The following PBX2 variants were observed in gnomAD, a reference collection of about 807,000 sequenced individuals.
PBX2 encodes the protein PBX homeobox 2, also known as pre-B-cell leukemia transcription factor 2.
Under a neutral mutation model 46.5 loss-of-function variants are expected in PBX2, and 10 were observed. The ratio of observed to expected loss-of-function variants is 0.21; its 90% CI spans 0.13 to 0.36. PBX2 has a LOEUF of 0.36. Among genes scored for constraint, PBX2 ranks in the 10% least tolerant of loss-of-function variants. The probability of loss-of-function intolerance (pLI) is 1.00; values close to 1 mark genes in which losing one functional copy is unlikely to be tolerated. For missense variants in PBX2, 392 were observed against 580.5 expected (o/e 0.68, Z 3.34); for synonymous variants, 160 against 222.5 (o/e 0.72, Z 2.50).
chr6:32,189,621 G>GT lies in PBX2; in HGVS notation c.221+73_221+74insA. On this transcript the variant is annotated intron_variant, in intron 1 of 8. Transcript: ENST00000375050. The surrounding 1 kb of genome is among the most constrained non-coding windows in gnomAD (Gnocchi z 4.7). ...TGGAGAGGGCCCTGGAGTTGGGGGG[G>GT]GCTCCCAGAAGATTCAGAACATGTG... is the stretch of plus-strand genomic sequence containing the variant. 8.8e-7 allele frequency: 1 copy of GT among 1,133,816 alleles called. No homozygotes were observed. Among genetic ancestry groups the GT allele is most frequent in the Admixed American group, 1.9e-5 (1 of 52,550 alleles). 70.2% of individuals were successfully genotyped at this position (1,133,816 alleles called of 1,614,324 possible).
Position 32,187,640 on chromosome 6 carries a change from A to G in PBX2, c.870+7T>C, listed in dbSNP as rs1398064699. On this transcript the variant is annotated splice_region_variant and intron_variant, in intron 5 of 8. Coordinates refer to ENST00000375050, the MANE Select transcript of PBX2 (RefSeq NM_002586.5). The surrounding 1 kb of genome is among the most constrained non-coding windows in gnomAD (Gnocchi z 7.7). ...CCTGACAACTCCTCCCGCAACCTCC[A>G]TAATACCTGAGACACGGTGATGCCA... 1.9e-6 allele frequency: 3 copies of G among 1,587,984 alleles called. No homozygotes were observed. Among genetic ancestry groups the G allele is most frequent in the Non-Finnish European group, 2.6e-6 (3 of 1,167,060 alleles).
In PBX2 at chr6:32,187,421, T is replaced by C; in HGVS notation, c.871-26A>G. Reference sequence around the variant, plus strand: ...CTGTGGGGCAGAAAGGAGGGTCAGGTAGAAACATTTGCCTCTGAAGTCCTT... The same window carrying C: ...CTGTGGGGCAGAAAGGAGGGTCAGGCAGAAACATTTGCCTCTGAAGTCCTT... On this transcript the variant is annotated intron_variant, in intron 5 of 8. Coordinates refer to ENST00000375050, the MANE Select transcript of PBX2 (RefSeq NM_002586.5). The surrounding 1 kb of genome is among the most constrained non-coding windows in gnomAD (Gnocchi z 7.7). 6.2e-7 allele frequency: 1 copy of C among 1,610,202 alleles called. No individual in the cohort carries two copies. The highest frequency in any genetic ancestry group is 8.5e-7 in the Non-Finnish European group (1 of 1,177,810).
Position 32,186,087 on chromosome 6 carries a change from G to C in PBX2, c.*295C>G. 2.3e-6 allele frequency: 1 copy of C among 439,362 alleles called. No homozygotes were observed. The highest frequency in any genetic ancestry group is 3.7e-5 in the South Asian group (1 of 26,846). 27.2% of individuals were successfully genotyped at this position (439,362 alleles called of 1,614,324 possible). A position where few individuals can be genotyped will look rare whatever the true frequency, so the allele number is the denominator to read the frequency against. ...GAGAGAGAAAGACAGAGGAGAAAAA[G>C]GGGTCTGAGAAATAGGTTTCTCGGT... On this transcript the variant is annotated 3_prime_UTR_variant, in exon 9 of 9. Transcript: ENST00000375050. This position sits in a 1 kb window ranked among gnomAD's most constrained non-coding sequence, Gnocchi z 4.2.
Position 32,188,182 on chromosome 6 carries a change from G to A in PBX2, c.544-26C>T. 1 of 1,598,670 alleles carries A rather than the reference G, an allele frequency of 6.3e-7. No individual in the cohort carries two copies. Among genetic ancestry groups the A allele is most frequent in the Non-Finnish European group, 8.5e-7 (1 of 1,170,430 alleles). ...CTGTAGTGGGGGCCAGTGGGCTGGT[G>A]AGGAGGAGCCCTTTGACCATGGGAT... On this transcript the variant is annotated intron_variant, in intron 3 of 8. Transcript: ENST00000375050. This position sits in a 1 kb window ranked among gnomAD's most constrained non-coding sequence, Gnocchi z 6.5.
chr6:32,187,225 G>A lies in PBX2; in HGVS notation c.1024+17C>T. On this transcript the variant is annotated intron_variant, in intron 6 of 8. Transcript: ENST00000375050. This position sits in a 1 kb window ranked among gnomAD's most constrained non-coding sequence, Gnocchi z 7.7. Reference sequence around the variant, plus strand: ...GAAGTGTGCAAAACAGTCAGCCGGGGTGACAGTGGGATCCACCTGCAGAGG... The same window carrying A: ...GAAGTGTGCAAAACAGTCAGCCGGGATGACAGTGGGATCCACCTGCAGAGG... The A allele has an allele frequency of 1.2e-6, 2 of 1,612,388 alleles. No homozygotes were observed. Among genetic ancestry groups the A allele is most frequent in the Non-Finnish European group, 8.5e-7 (1 of 1,179,940 alleles).
In PBX2 at chr6:32,189,869, C is replaced by T. The variant is rs1260302740; in HGVS notation, c.47G>A (p.Gly16Glu). The T allele has an allele frequency of 6.7e-7, 1 of 1,487,494 alleles. No individual in the cohort carries two copies. Among genetic ancestry groups the T allele is most frequent in the Non-Finnish European group, 9.0e-7 (1 of 1,116,910 alleles). 92.1% of individuals were successfully genotyped at this position (1,487,494 alleles called of 1,614,324 possible). The change falls in exon 1 of 9, where the codon GGG (glycine) becomes GAG (glutamate). Residue 16 changes from glycine (G) to glutamate (E), a missense_variant. Around this residue, in one of 3 missense-constraint regions of PBX2, gnomAD observed 196 missense variants for 246.9 expected, o/e 0.79. Coordinates refer to ENST00000375050, the MANE Select transcript of PBX2 (RefSeq NM_002586.5). This position sits in a 1 kb window ranked among gnomAD's most constrained non-coding sequence, Gnocchi z 4.7. Reference sequence around the variant, plus strand: ...CTCCCCACTCACCAATCCCAGGCCCCCCCGGCCCCCGCCTGGAGGGGGCGG... The same window carrying T: ...CTCCCCACTCACCAATCCCAGGCCCTCCCGGCCCCCGCCTGGAGGGGGCGG... ...LGPPPPGGGR[G>E]GLGLVSGEPG...
At position 32,187,989 on chromosome 6, in the gene PBX2, C is replaced by T; in HGVS notation, c.711G>A (p.Leu237=). 1 of 1,570,160 alleles carries T rather than the reference C, an allele frequency of 6.4e-7. No homozygotes were observed. The highest frequency in any genetic ancestry group is 8.7e-7 in the Non-Finnish European group (1 of 1,155,914). The change falls in exon 4 of 9, where the codon CTG becomes CTA. Residue 237 remains leucine (L), a synonymous_variant. Coordinates refer to ENST00000375050, the MANE Select transcript of PBX2 (RefSeq NM_002586.5). The surrounding 1 kb of genome is among the most constrained non-coding windows in gnomAD (Gnocchi z 7.7). ...ACCTGGCATCCAGGAAACGGGAGCG[C>T]AGGATCATCACAGCCTCGCAGGTGC... is the stretch of plus-strand genomic sequence containing the variant. ...KQSTCEAVMI[L]RSRFLDARRK... is the part of the protein sequence containing the mutation.
chr6:32,187,661 T>C lies in PBX2; in HGVS notation c.856A>G (p.Ile286Val), dbSNP rs1403407219. 1.9e-6 allele frequency: 3 copies of C among 1,597,146 alleles called. No individual in the cohort carries two copies. The highest frequency in any genetic ancestry group is 1.8e-5 in the Admixed American group (1 of 56,582). ...CTCCATAATACCTGAGACACGGTGA[T>C]GCCACACTTCTTGGCAAGCTCCTCC... The part of the protein sequence containing the change: ...AKEELAKKCG[I>V]TVSQVSNWFG... The change falls in exon 5 of 9, where the codon ATC becomes GTC. Residue 286 changes from isoleucine (I) to valine (V), a missense_variant. Ile to Val is a conservative substitution (Grantham distance 29). Coordinates refer to ENST00000375050, the MANE Select transcript of PBX2 (RefSeq NM_002586.5). The surrounding 1 kb of genome is among the most constrained non-coding windows in gnomAD (Gnocchi z 7.7).
chr6:32,187,076 T>A lies in PBX2; in HGVS notation c.1024+166A>T. Reference sequence around the variant, plus strand: ...CCACCCGTGGGAAGAAAGGCAGAACTAAGATCACTGGAATGGCCTCTGTCC... The same window carrying A: ...CCACCCGTGGGAAGAAAGGCAGAACAAAGATCACTGGAATGGCCTCTGTCC... On this transcript the variant is annotated intron_variant, in intron 6 of 8. Coordinates refer to ENST00000375050, the MANE Select transcript of PBX2 (RefSeq NM_002586.5). This position sits in a 1 kb window ranked among gnomAD's most constrained non-coding sequence, Gnocchi z 7.7. 9.6e-7 allele frequency: 1 copy of A among 1,046,750 alleles called. No homozygotes were observed. The highest frequency in any genetic ancestry group is 1.4e-6 in the Non-Finnish European group (1 of 714,414). 64.8% of individuals were successfully genotyped at this position (1,046,750 alleles called of 1,614,324 possible). A position where few individuals can be genotyped will look rare whatever the true frequency, so the allele number is the denominator to read the frequency against.
rs1277003944 is a variant in PBX2, at chr6:32,188,954, A to G, written c.222-158T>C. ...GGTGGAATGAGGAGTTCTTGGGAAA[A>G]GATCAGCTCCCAGAGCATGGGGAAG... On this transcript the variant is annotated intron_variant, in intron 1 of 8. Transcript: ENST00000375050. The surrounding 1 kb of genome is among the most constrained non-coding windows in gnomAD (Gnocchi z 6.5). 6.2e-6 allele frequency: 4 copies of G among 647,620 alleles called. No individual in the cohort carries two copies. Among genetic ancestry groups the G allele is most frequent in the African/African-American group, 1.8e-5 (1 of 55,548 alleles). The allele number at this position is 647,620 out of a possible 1,614,324, so 40.1% of individuals were successfully genotyped here. A position where few individuals can be genotyped will look rare whatever the true frequency, so the allele number is the denominator to read the frequency against.
chr6:32,188,612 C>T lies in PBX2; in HGVS notation c.296-108G>A, dbSNP rs1271229403. 3 of 1,574,938 alleles carry T rather than the reference C, an allele frequency of 1.9e-6. No individual in the cohort carries two copies. On this transcript the variant is annotated intron_variant, in intron 2 of 8. Coordinates refer to ENST00000375050, the MANE Select transcript of PBX2 (RefSeq NM_002586.5). The surrounding 1 kb of genome is among the most constrained non-coding windows in gnomAD (Gnocchi z 6.5). ...AGTTCCCAGGCTTTGGTTCCTTCCCCAGTCCCCCTGACTCCTTACTTTCCT... is the reference window on the plus strand; with the variant it reads ...AGTTCCCAGGCTTTGGTTCCTTCCCTAGTCCCCCTGACTCCTTACTTTCCT...
chr6:32,188,220 G>A lies in PBX2; in HGVS notation c.543+37C>T. ...TTGACCATGGGATTCCCCTGCAAGA[G>A]CCCTTCCCTCCACCCACCCAAGCCT... On this transcript the variant is annotated intron_variant, in intron 3 of 8. Coordinates refer to ENST00000375050, the MANE Select transcript of PBX2 (RefSeq NM_002586.5). The surrounding 1 kb of genome is among the most constrained non-coding windows in gnomAD (Gnocchi z 6.5). The A allele has an allele frequency of 6.2e-7, 1 of 1,607,602 alleles. No homozygotes were observed. The highest frequency in any genetic ancestry group is 8.5e-7 in the Non-Finnish European group (1 of 1,175,630).
chr6:32,188,802 GAGGAGT>G lies in PBX2; in HGVS notation c.222-12_222-7del. The stretch of plus-strand genomic sequence containing the variant: ...GGCAGTTTAGGGCGTGTTTCCTTGG[GAGGAGT>G]GGGAGTGGGGAAAGAGAAAAGTTGA... On this transcript the variant is annotated splice_region_variant and splice_polypyrimidine_tract_variant and intron_variant, in intron 1 of 8. Transcript: ENST00000375050. This position sits in a 1 kb window ranked among gnomAD's most constrained non-coding sequence, Gnocchi z 6.5. 6.2e-7 allele frequency: 1 copy of G among 1,612,710 alleles called. No homozygotes were observed. Among genetic ancestry groups the G allele is most frequent in the Non-Finnish European group, 8.5e-7 (1 of 1,179,762 alleles).
At position 32,188,174 on chromosome 6, in the gene PBX2, G is replaced by A; in HGVS notation, c.544-18C>T. On this transcript the variant is annotated intron_variant, in intron 3 of 8. Transcript: ENST00000375050. The surrounding 1 kb of genome is among the most constrained non-coding windows in gnomAD (Gnocchi z 6.5). Reference sequence around the variant, plus strand: ...TTACATGCCTGTAGTGGGGGCCAGTGGGCTGGTGAGGAGGAGCCCTTTGAC... The same window carrying A: ...TTACATGCCTGTAGTGGGGGCCAGTAGGCTGGTGAGGAGGAGCCCTTTGAC... 6.3e-7 allele frequency: 1 copy of A among 1,597,214 alleles called. No homozygotes were observed. Among genetic ancestry groups the A allele is most frequent in the Non-Finnish European group, 8.5e-7 (1 of 1,169,636 alleles).
chr6:32,189,084 T>G lies in PBX2; in HGVS notation c.222-288A>C. ...GTAGGAGGAGGAATCTGGGAGTGGA[T>G]GGAGAAAGGAAAGTGACTTGGTAGG... On this transcript the variant is annotated intron_variant, in intron 1 of 8. Coordinates refer to ENST00000375050, the MANE Select transcript of PBX2 (RefSeq NM_002586.5). The surrounding 1 kb of genome is among the most constrained non-coding windows in gnomAD (Gnocchi z 4.7). 2.0e-6 allele frequency: 1 copy of G among 512,702 alleles called. No homozygotes were observed. Among genetic ancestry groups the G allele is most frequent in the Non-Finnish European group, 3.5e-6 (1 of 284,354 alleles). 31.8% of individuals were successfully genotyped at this position (512,702 alleles called of 1,614,324 possible). A position where few individuals can be genotyped will look rare whatever the true frequency, so the allele number is the denominator to read the frequency against.
chr6:32,187,989 C>A lies in PBX2; in HGVS notation c.711G>T (p.Leu237=). 6.4e-7 allele frequency: 1 copy of A among 1,570,160 alleles called. No homozygotes were observed. Among genetic ancestry groups the A allele is most frequent in the Non-Finnish European group, 8.7e-7 (1 of 1,155,914 alleles). The part of the protein sequence containing the change: ...KQSTCEAVMI[L]RSRFLDARRK... ...ACCTGGCATCCAGGAAACGGGAGCG[C>A]AGGATCATCACAGCCTCGCAGGTGC... The change falls in exon 4 of 9, where the codon CTG becomes CTT. Residue 237 remains leucine (L), a synonymous_variant. Transcript: ENST00000375050. The surrounding 1 kb of genome is among the most constrained non-coding windows in gnomAD (Gnocchi z 7.7).
rs563859681 is a variant in PBX2, at chr6:32,186,492, G to C, written c.1201-18C>G. On this transcript the variant is annotated intron_variant, in intron 8 of 8. Coordinates refer to ENST00000375050, the MANE Select transcript of PBX2 (RefSeq NM_002586.5). This position sits in a 1 kb window ranked among gnomAD's most constrained non-coding sequence, Gnocchi z 4.2. Reference sequence around the variant, plus strand: ...CCATTTGCCTGAAAGGAGAGACAGAGTACAGAAAACAGAGAAAGCCCTGGG... The same window carrying C: ...CCATTTGCCTGAAAGGAGAGACAGACTACAGAAAACAGAGAAAGCCCTGGG... 1.6e-5 allele frequency: 25 copies of C among 1,610,742 alleles called. No homozygotes were observed. In the East Asian group the frequency reaches 5.1e-4, roughly 33 times the overall value.
In PBX2 at chr6:32,187,631, G is replaced by C; in HGVS notation, c.870+16C>G. 6.3e-7 allele frequency: 1 copy of C among 1,581,230 alleles called. No individual in the cohort carries two copies. Among genetic ancestry groups the C allele is most frequent in the Non-Finnish European group, 8.6e-7 (1 of 1,163,272 alleles). ...TGCACTTTGCCTGACAACTCCTCCC[G>C]CAACCTCCATAATACCTGAGACACG... On this transcript the variant is annotated intron_variant, in intron 5 of 8. Transcript: ENST00000375050. The surrounding 1 kb of genome is among the most constrained non-coding windows in gnomAD (Gnocchi z 7.7).
In PBX2 at chr6:32,186,555, CCT is replaced by C; in HGVS notation, c.1200+47_1200+48del. 1 of 1,560,670 alleles carries C rather than the reference CCT, an allele frequency of 6.4e-7. No homozygotes were observed. The stretch of plus-strand genomic sequence containing the variant: ...GCACAACATTACTAGGGAAAATGCC[CCT>C]CTGTCCTGTGAGAACTGGACAGAGA... On this transcript the variant is annotated intron_variant, in intron 8 of 8. Transcript: ENST00000375050. This position sits in a 1 kb window ranked among gnomAD's most constrained non-coding sequence, Gnocchi z 4.2.
Sources: allele counts gnomAD v4.1 joint callset, GRCh38; gene constraint gnomAD v4.1.1; regional missense constraint gnomAD v4.1.1; non-coding constraint Gnocchi (gnomAD v3.1); transcripts MANE v1.5; gene names NCBI Gene and HGNC (gene_info 2026-07-23, HGNC 2026-07-21).